The following RNF24 variants were observed in gnomAD, a reference collection of about 807,000 sequenced individuals.
The protein encoded by RNF24 is ring finger protein 24.
RNF24 carries 14 observed loss-of-function variants against 20.0 expected under a neutral mutation model. That is an observed-to-expected ratio of 0.70 (90% CI 0.46 to 1.10). The LOEUF (loss-of-function observed/expected upper bound fraction) is 1.10. Ranked by LOEUF, RNF24 falls within the 50% of genes least tolerant of loss-of-function variation. The probability of loss-of-function intolerance (pLI) is 0.00; values close to 1 mark genes in which losing one functional copy is unlikely to be tolerated. For missense variants in RNF24, 124 were observed against 177.6 expected (o/e 0.70, Z 1.71); for synonymous variants, 45 against 61.1 (o/e 0.74, Z 1.23).
intron 1 of RNF24, among the ~76,000 whole-genome samples, chr20:3,980,267 C>T (rs1045239973): frequency 2.6e-5 from 4 of 152,184 alleles, no homozygotes; most frequent in Non-Finnish European, 5.9e-5. Flanking sequence ...AAGTAGTCTG[C>T]TATGTACAGT....
chr20:3,940,146 CG>C (rs1368270779), intron 4 of RNF24, among the ~76,000 whole-genome samples: 1 of 151,880 alleles, frequency 6.6e-6, no homozygotes, highest in Non-Finnish European at 1.5e-5. Context: ...TTAGTAGAGA[CG>C]GGGTTTCTCT....
In RNF24 at chr20:3,979,683, TAAATA is replaced by T. The variant is rs201887866; in HGVS notation, c.-7-15664_-7-15660del. On this transcript the variant is annotated intron_variant, in intron 1 of 5. Transcript: ENST00000358395. ...AGAGTGAAACTCCACCTCAAAAAAA[TAAATA>T]AAATAAAATAAAATAAAATGACTTC... 4.6e-3 allele frequency among the ~76,000 whole-genome samples: 698 copies of T among 151,830 alleles called. 14 individuals are homozygous for T. The highest frequency in any genetic ancestry group is 0.03 in the Admixed American group (456 of 15,236).
chr20:3,997,040 G>A (rs1980927223), intron 1 of RNF24, among the ~76,000 whole-genome samples: 1 of 151,498 alleles, frequency 6.6e-6, no homozygotes, highest in Non-Finnish European at 1.5e-5. Context: ...CTAACACGGT[G>A]AAACCCCATT....
chr20:4,003,469 C>A (rs920277792), intron 1 of RNF24, among the ~76,000 whole-genome samples: 2 of 152,046 alleles, frequency 1.3e-5, no homozygotes, highest in Non-Finnish European at 2.9e-5. Context: ...CAATAGTTTT[C>A]CAGAAACATC....
intron 1 of RNF24, among the ~76,000 whole-genome samples, chr20:4,001,411 A>C (rs1981378233): frequency 6.6e-6 from 1 of 152,234 alleles, no homozygotes; most frequent in Non-Finnish European, 1.5e-5. Context: ...AACTAAAACA[A>C]TAAAATGTAG....
chr20:3,994,197 G>C (rs1256859996), intron 1 of RNF24, among the ~76,000 whole-genome samples: 2 of 152,174 alleles, frequency 1.3e-5, no homozygotes, highest in African/African-American at 4.8e-5. Context: ...GGAATTGCTA[G>C]GTCTATGAGA....
chr20:3,987,053 G>A (rs538200670), intron 1 of RNF24, among the ~76,000 whole-genome samples: 2 of 152,266 alleles, frequency 1.3e-5, no homozygotes, highest in South Asian at 2.1e-4. Flanking sequence ...GATTACAGGC[G>A]TAAGCCACAA....
intron 1 of RNF24, among the ~76,000 whole-genome samples, chr20:3,988,930 T>C (rs1980166884): frequency 6.6e-6 from 1 of 152,124 alleles, no homozygotes; most frequent in African/African-American, 2.4e-5. Flanking sequence ...ACAAAAAGAA[T>C]ACTTACTAAT....
chr20:3,969,138 G>A (rs1413536784), intron 1 of RNF24, among the ~76,000 whole-genome samples: 1 of 152,068 alleles, frequency 6.6e-6, no homozygotes, highest in Admixed American at 6.6e-5. Context: ...CTCAACACAC[G>A]AAAAGCACTT....
chr20:3,931,867 G>GT lies in RNF24; in HGVS notation c.*2195dup, dbSNP rs1254362469. On this transcript the variant is annotated 3_prime_UTR_variant, in exon 6 of 6. Transcript: ENST00000358395. The stretch of plus-strand genomic sequence containing the variant: ...GCTTTGCGCCCTGGTCCAGTGCTAC[G>GT]TATCAACCCCCTCAACATGCCTGTG... 1.3e-5 allele frequency: 2 copies of GT among 152,176 alleles called. No homozygotes were observed. Among genetic ancestry groups the GT allele is most frequent in the African/African-American group, 2.4e-5 (1 of 41,446 alleles). The allele number at this position is 152,176 out of a possible 1,614,324, so 9.4% of individuals were successfully genotyped here.
chr20:3,954,828 G>A (rs779869712), intron 2 of RNF24, among the ~76,000 whole-genome samples: 4 of 151,922 alleles, frequency 2.6e-5, no homozygotes, highest in Non-Finnish European at 4.4e-5. Context: ...GAACCTGGGA[G>A]GCAGAGATTG....
chr20:4,004,703 T>C (rs1174148466), intron 1 of RNF24, among the ~76,000 whole-genome samples: 1 of 152,008 alleles, frequency 6.6e-6, no homozygotes, highest in East Asian at 1.9e-4. Context: ...CCCTCTAGAG[T>C]CTTTGGAGGG....
chr20:3,971,191 C>T (rs1214233170), intron 1 of RNF24, among the ~76,000 whole-genome samples: 1 of 151,934 alleles, frequency 6.6e-6, no homozygotes, highest in Non-Finnish European at 1.5e-5. Context: ...TCATCAGAAA[C>T]AATGGAGGCC....
chr20:3,991,107 C>T (rs1391846162), intron 1 of RNF24, among the ~76,000 whole-genome samples: 1 of 151,962 alleles, frequency 6.6e-6, no homozygotes, highest in African/African-American at 2.4e-5. Flanking sequence ...AGGAGAATGA[C>T]TTCACTGAAT....
At chr20:3,962,312 C>T (rs2091210321) in intron 2 of RNF24, among the ~76,000 whole-genome samples, 1 of 152,056 alleles carries the variant, frequency 6.6e-6, no homozygotes, top group Admixed American at 6.5e-5. Flanking sequence ...AGAGACTGTG[C>T]CACTGCACTC....
At position 3,963,948 on chromosome 20, in the gene RNF24, T is replaced by C. The variant is rs763670194; in HGVS notation, c.70A>G (p.Ile24Val). 3.7e-6 allele frequency: 6 copies of C among 1,612,658 alleles called. No individual in the cohort carries two copies. Among genetic ancestry groups the C allele is most frequent in the African/African-American group, 2.7e-5 (2 of 74,804 alleles). ...GCAGTACCAAAAACCACAATATATATGTTGAGAGGCAGATTCTGGAATCCA... is the reference window on the plus strand; with the variant it reads ...GCAGTACCAAAAACCACAATATATACGTTGAGAGGCAGATTCTGGAATCCA... Reference protein sequence around the residue: ...NIGFQNLPLNIYIVVFGTAIF... With the variant: ...NIGFQNLPLNVYIVVFGTAIF... Residue 24 changes from isoleucine (I) to valine (V), a missense_variant, in exon 2 of 6, where the codon ATA (isoleucine) becomes GTA (valine). Transcript: ENST00000358395.
chr20:3,956,225 G>A lies in RNF24; in HGVS notation c.143+7650C>T, dbSNP rs151234394. 1.5e-3 allele frequency among the ~76,000 whole-genome samples: 218 copies of A among 148,934 alleles called. 1 individual carries two copies. The highest frequency in any genetic ancestry group is 4.7e-3 in the African/African-American group (193 of 40,840). ...TTCTGATCTTAGGGGAAAGCTTTCCGTCTATTACCAGAAAGTACAATGTTA... is the reference window on the plus strand; with the variant it reads ...TTCTGATCTTAGGGGAAAGCTTTCCATCTATTACCAGAAAGTACAATGTTA... On this transcript the variant is annotated intron_variant, in intron 2 of 5. Transcript: ENST00000358395.
At chr20:4,004,155 T>C (rs913034585) in intron 1 of RNF24, among the ~76,000 whole-genome samples, 2 of 152,210 alleles carry the variant, frequency 1.3e-5, no homozygotes, top group African/African-American at 4.8e-5. Context: ...TTCCACTATC[T>C]GCACATCCCA....
intron 1 of RNF24, among the ~76,000 whole-genome samples, chr20:3,978,482 A>G (rs929588764): frequency 6.6e-6 from 1 of 152,220 alleles, no homozygotes; most frequent in Non-Finnish European, 1.5e-5. Context: ...TTGTACACAT[A>G]TACCAAAATA....
Sources: allele counts gnomAD v4.1 joint callset (sites outside exome capture counted in the v4.1 genomes callset), GRCh38; gene constraint gnomAD v4.1.1; transcripts MANE v1.5; gene names NCBI Gene and HGNC (gene_info 2026-07-23, HGNC 2026-07-21).